The following GRIP1 variants were observed in gnomAD, a reference collection of about 807,000 sequenced individuals.
GRIP1 encodes glutamate receptor-interacting protein 1.
GRIP1 carries 45 observed loss-of-function variants against 129.9 expected under a neutral mutation model. The observed-to-expected ratio is 0.35, with a 90% CI of 0.27 to 0.44. GRIP1 has a LOEUF of 0.44. Among genes scored for constraint, GRIP1 ranks in the 20% least tolerant of loss-of-function variants. The probability of loss-of-function intolerance (pLI) is 1.00; values close to 1 mark genes in which losing one functional copy is unlikely to be tolerated. For synonymous variants in GRIP1, 530 were observed against 520.8 expected (o/e 1.02, Z -0.24); for missense variants, 1,196 against 1,396.8 (o/e 0.86, Z 2.29).
intron 1 of GRIP1, among the ~76,000 whole-genome samples, chr12:66,597,585 G>A (rs985092725): frequency 6.6e-6 from 1 of 152,166 alleles, no homozygotes; most frequent in Non-Finnish European, 1.5e-5. Flanking sequence ...GCTGGTTTGT[G>A]CTCTTTTAGA....
chr12:66,684,181 AT>A (rs1406563727), intron 1 of GRIP1, among the ~76,000 whole-genome samples: 2 of 152,204 alleles, frequency 1.3e-5, no homozygotes, highest in Non-Finnish European at 2.9e-5. Context: ...CAATTGTACA[AT>A]TTGACACTTG....
intron 1 of GRIP1, among the ~76,000 whole-genome samples, chr12:66,787,431 C>T (rs1007326622): frequency 2.0e-5 from 3 of 152,120 alleles, no homozygotes; most frequent in African/African-American, 7.2e-5. Context: ...TCTTTAAGTC[C>T]ACCAGTGCTA....
intron 1 of GRIP1, among the ~76,000 whole-genome samples, chr12:66,786,945 C>T (rs558430061): frequency 2.0e-5 from 3 of 152,098 alleles, no homozygotes; most frequent in Non-Finnish European, 4.4e-5. Flanking sequence ...AGGTCTAATC[C>T]TTTTGATACC....
chr12:66,619,588 G>A (rs1456298110), intron 1 of GRIP1, among the ~76,000 whole-genome samples: 1 of 152,014 alleles, frequency 6.6e-6, no homozygotes, highest in Non-Finnish European at 1.5e-5. Flanking sequence ...AAGAAAAAAG[G>A]GCCATACATG....
intron 1 of GRIP1, among the ~76,000 whole-genome samples, chr12:66,619,435 C>T (rs1370233532): frequency 1.3e-5 from 2 of 152,072 alleles, no homozygotes; most frequent in Non-Finnish European, 2.9e-5. Flanking sequence ...CCTTGCCCTC[C>T]ACAAATCAAC....
At chr12:66,979,238 A>ACAAAC (rs1310429490) in intron 1 of GRIP1, among the ~76,000 whole-genome samples, 1,064 of 97,362 alleles carry the variant, frequency 0.011, 30 homozygotes, top group African/African-American at 0.028. Context: ...AAAAAAAAAA[A>ACAAAC]AAAAAAAAAA....
chr12:66,961,233 A>G (rs1175307262), intron 1 of GRIP1, among the ~76,000 whole-genome samples: 1 of 152,156 alleles, frequency 6.6e-6, no homozygotes, highest in Non-Finnish European at 1.5e-5. Flanking sequence ...AGGAGCAAAC[A>G]AAACAGGGAG....
Position 66,957,946 on chromosome 12 carries a change from T to C in GRIP1, c.58+111104A>G, listed in dbSNP as rs114840842. Among the ~76,000 whole-genome samples the C allele has an allele frequency of 3.3e-3, 506 of 152,262 alleles. 2 individuals are homozygous for C. Among genetic ancestry groups the C allele is most frequent in the African/African-American group, 0.011 (459 of 41,548 alleles). Reference sequence around the variant, plus strand: ...TCTGGAACTTTTCTGCTTGGGTGATTTGTCTCTAGCCCTCATTTATTTGCT... The same window carrying C: ...TCTGGAACTTTTCTGCTTGGGTGATCTGTCTCTAGCCCTCATTTATTTGCT... On this transcript the variant is annotated intron_variant, in intron 1 of 1. Transcript: ENST00000643019.
At chr12:67,046,095 T>C (rs1330737312) in intron 1 of GRIP1, among the ~76,000 whole-genome samples, 1 of 152,148 alleles carries the variant, frequency 6.6e-6, no homozygotes, top group Non-Finnish European at 1.5e-5. Flanking sequence ...CAGCTGCCAT[T>C]TTATTTTCTG....
At chr12:66,514,320 A>G (rs2060783359) in intron 7 of GRIP1, among the ~76,000 whole-genome samples, 1 of 152,148 alleles carries the variant, frequency 6.6e-6, no homozygotes, top group Admixed American at 6.6e-5. Context: ...CACTTGTCTC[A>G]TCATTTAAAA....
chr12:66,504,395 T>C (rs1481016438), intron 7 of GRIP1, among the ~76,000 whole-genome samples: 5 of 152,174 alleles, frequency 3.3e-5, no homozygotes, highest in East Asian at 1.9e-4. Context: ...ATTTATCATA[T>C]AGAAAGCCTC....
chr12:66,803,106 T>C (rs2038905069), intron 1 of GRIP1, among the ~76,000 whole-genome samples: 1 of 152,230 alleles, frequency 6.6e-6, no homozygotes, highest in South Asian at 2.1e-4. Flanking sequence ...GGATTTAAAT[T>C]ATTTATTAGT....
At chr12:66,435,023 G>A (rs1190821895) in intron 13 of GRIP1, among the ~76,000 whole-genome samples, 1 of 152,184 alleles carries the variant, frequency 6.6e-6, no homozygotes, top group African/African-American at 2.4e-5. Context: ...GATCCCTGAT[G>A]AACACATTGA....
chr12:66,595,637 C>A (rs962067432), intron 2 of GRIP1, among the ~76,000 whole-genome samples: 1 of 152,164 alleles, frequency 6.6e-6, no homozygotes, highest in Non-Finnish European at 1.5e-5. Flanking sequence ...TAAATGCGAC[C>A]AGCATGAAGA....
chr12:67,029,073 A>T (rs2042981477), intron 1 of GRIP1, among the ~76,000 whole-genome samples: 2 of 152,120 alleles, frequency 1.3e-5, no homozygotes, highest in African/African-American at 4.8e-5. Flanking sequence ...GTTCAAGACC[A>T]GCCTGGGCAA....
chr12:66,961,679 C>G (rs1592396876), intron 1 of GRIP1, among the ~76,000 whole-genome samples: 3 of 151,960 alleles, frequency 2.0e-5, no homozygotes, highest in Admixed American at 1.3e-4. Flanking sequence ...TTTTAAAGCT[C>G]ATTTGTTCAT....
chr12:67,019,479 T>C (rs913108340), intron 1 of GRIP1, among the ~76,000 whole-genome samples: 2 of 152,154 alleles, frequency 1.3e-5, no homozygotes, highest in Non-Finnish European at 2.9e-5. Context: ...ATGTACATCG[T>C]GAAAAATAGT....
intron 1 of GRIP1, among the ~76,000 whole-genome samples, chr12:66,809,662 CTT>C (rs774288663): frequency 1.1e-4 from 16 of 141,840 alleles, no homozygotes; most frequent in Non-Finnish European, 1.1e-4. Context: ...CACAAAATGT[CTT>C]TTTTTTTTTT....
intron 1 of GRIP1, among the ~76,000 whole-genome samples, chr12:66,740,621 A>T (rs2036759165): frequency 6.6e-6 from 1 of 152,220 alleles, no homozygotes; most frequent in South Asian, 2.1e-4. Context: ...AACTATAGGG[A>T]GGTAAATGAA....
Sources: allele counts gnomAD v4.1 joint callset (sites outside exome capture counted in the v4.1 genomes callset), GRCh38; gene constraint gnomAD v4.1.1; transcripts MANE v1.5; gene names NCBI Gene and HGNC (gene_info 2026-07-23, HGNC 2026-07-21).